The following LCLAT1 variants were observed in gnomAD, a reference collection of about 807,000 sequenced individuals.
The protein encoded by LCLAT1 is lysocardiolipin acyltransferase 1.
LCLAT1 carries 11 observed loss-of-function variants against 30.7 expected under a neutral mutation model. The observed-to-expected ratio is 0.36, with a 90% confidence interval of 0.23 to 0.59. The LOEUF is 0.59. LCLAT1 is among the 20% of genes least tolerant of loss of function. LCLAT1 has a pLI of 0.77. For synonymous variants in LCLAT1, 155 were observed against 151.3 expected (o/e 1.02, Z -0.18); for missense variants, 402 against 458.6 (o/e 0.88, Z 1.13).
intron 5 of LCLAT1, among the ~76,000 whole-genome samples, chr2:30,589,439 G>A (rs1481260810): frequency 6.6e-6 from 1 of 151,870 alleles, no homozygotes; most frequent in Non-Finnish European, 1.5e-5. Flanking sequence ...AATCAGGAGA[G>A]TGACTGAAGG....
At chr2:30,596,584 C>T (rs1212296662) in intron 5 of LCLAT1, among the ~76,000 whole-genome samples, 2 of 151,082 alleles carry the variant, frequency 1.3e-5, no homozygotes, top group Non-Finnish European at 2.9e-5. Flanking sequence ...TTCTCCCTTT[C>T]TGTAGAATGT....
chr2:30,530,895 T>C (rs1685948645), intron 2 of LCLAT1, among the ~76,000 whole-genome samples: 3 of 152,168 alleles, frequency 2.0e-5, no homozygotes, highest in South Asian at 4.1e-4. Flanking sequence ...AAGGATTGTT[T>C]GGGATCTATA....
chr2:30,629,472 A>C (rs1031861341), intron 5 of LCLAT1, among the ~76,000 whole-genome samples: 1 of 152,198 alleles, frequency 6.6e-6, no homozygotes, highest in Non-Finnish European at 1.5e-5. Flanking sequence ...AGGCAGGAGA[A>C]TCGCTTGAAC....
intron 5 of LCLAT1, among the ~76,000 whole-genome samples, chr2:30,620,429 A>G (rs576633743): frequency 3.3e-5 from 5 of 152,328 alleles, no homozygotes; most frequent in African/African-American, 4.8e-5. Context: ...CTCTTCCTCA[A>G]CTAAGGAACA....
At chr2:30,532,996 TC>T in intron 2 of LCLAT1, 119 bp from the exon 3 acceptor site, 1 of 708,844 alleles carries the variant, frequency 1.4e-6, no homozygotes, top group South Asian at 1.8e-5. Context: ...GAAGCAAGGA[TC>T]ATGGGAAATA....
At chr2:30,490,199 A>ATTT (rs772695376) in intron 1 of LCLAT1, among the ~76,000 whole-genome samples, 27 of 121,434 alleles carry the variant, frequency 2.2e-4, no homozygotes, top group Admixed American at 3.5e-4. Flanking sequence ...GGCTACTCTG[A>ATTT]TTTTTTTTTT....
intron 1 of LCLAT1, among the ~76,000 whole-genome samples, chr2:30,524,994 T>A (rs538935278): frequency 1.3e-5 from 2 of 152,054 alleles, no homozygotes; most frequent in South Asian, 4.2e-4. Flanking sequence ...ATTTTATGAG[T>A]TTGTGTTAGA....
intron 3 of LCLAT1, among the ~76,000 whole-genome samples, chr2:30,551,558 T>C (rs116389420): frequency 1.3e-5 from 2 of 152,174 alleles, no homozygotes; most frequent in Non-Finnish European, 2.9e-5. Context: ...ACTACAAATA[T>C]AGAGTGGTTT....
chr2:30,537,542 ACACGCACG>A (rs1038109731), intron 3 of LCLAT1, among the ~76,000 whole-genome samples: 1 of 151,800 alleles, frequency 6.6e-6, no homozygotes, highest in African/African-American at 2.4e-5. Context: ...ACACACACAC[ACACGCACG>A]CACACCAAAC....
At chr2:30,626,913 ATTAT>A (rs1454210842) in intron 5 of LCLAT1, among the ~76,000 whole-genome samples, 2 of 152,024 alleles carry the variant, frequency 1.3e-5, no homozygotes, top group African/African-American at 4.8e-5. Flanking sequence ...GGAATATTTT[ATTAT>A]TTATTTTTAT....
In LCLAT1 at chr2:30,641,459, C is replaced by T. The variant is rs1219374956; in HGVS notation, c.*840C>T. 1 of 152,170 alleles carries T rather than the reference C, an allele frequency of 6.6e-6. No individual in the cohort carries two copies. The highest frequency in any genetic ancestry group is 1.5e-5 in the Non-Finnish European group (1 of 68,028). The allele number at this position is 152,170 out of a possible 1,614,324, so 9.4% of individuals were successfully genotyped here. A position where few individuals can be genotyped will look rare whatever the true frequency, so the allele number is the denominator to read the frequency against. The stretch of plus-strand genomic sequence containing the variant: ...TCACATACTTTTTTAAAGGAACACT[C>T]AGAACATTCTGTCATTCCAGTCAGA... On this transcript the variant is annotated 3_prime_UTR_variant, in exon 6 of 6. Coordinates refer to ENST00000379509, the MANE Select transcript of LCLAT1 (RefSeq NM_001002257.3).
chr2:30,611,938 G>A (rs1667758769), intron 5 of LCLAT1, among the ~76,000 whole-genome samples: 1 of 152,026 alleles, frequency 6.6e-6, no homozygotes, highest in South Asian at 2.1e-4. Context: ...TGCACTGATG[G>A]AAATGCCAGC....
intron 3 of LCLAT1, among the ~76,000 whole-genome samples, chr2:30,540,696 C>T (rs1242455410): frequency 6.6e-6 from 1 of 150,960 alleles, no homozygotes; most frequent in Non-Finnish European, 1.5e-5. Context: ...CAAAGTCTCC[C>T]TCTTGTCCCC....
chr2:30,570,408 G>A (rs1475921796), intron 5 of LCLAT1, among the ~76,000 whole-genome samples: 1 of 152,168 alleles, frequency 6.6e-6, no homozygotes, highest in Non-Finnish European at 1.5e-5. Flanking sequence ...TAGTATAGCA[G>A]CTAACGTTAA....
At chr2:30,517,220 C>G (rs375186224) in intron 1 of LCLAT1, among the ~76,000 whole-genome samples, 10 of 152,322 alleles carry the variant, frequency 6.6e-5, no homozygotes, top group African/African-American at 2.2e-4. Context: ...ACTCCCTCTC[C>G]CAGGTATTAG....
chr2:30,611,122 T>C (rs1180468732), intron 5 of LCLAT1, among the ~76,000 whole-genome samples: 1 of 151,792 alleles, frequency 6.6e-6, no homozygotes, highest in African/African-American at 2.4e-5. Flanking sequence ...ACAGACTCAT[T>C]AGCATTTTTC....
intron 1 of LCLAT1, among the ~76,000 whole-genome samples, chr2:30,451,094 G>A (rs761202262): frequency 6.6e-6 from 1 of 152,178 alleles, no homozygotes; most frequent in Non-Finnish European, 1.5e-5. Context: ...GTCTCAGAAT[G>A]GCCAGTATGC....
At chr2:30,603,311 A>G (rs929538400) in intron 5 of LCLAT1, among the ~76,000 whole-genome samples, 2 of 152,174 alleles carry the variant, frequency 1.3e-5, no homozygotes, top group Admixed American at 6.6e-5. Context: ...TAGAGATACA[A>G]TACAGTGAAC....
chr2:30,591,000 T>C (rs1666670720), intron 5 of LCLAT1, among the ~76,000 whole-genome samples: 1 of 152,162 alleles, frequency 6.6e-6, no homozygotes, highest in Non-Finnish European at 1.5e-5. Flanking sequence ...AGCTGATATA[T>C]GTATTGTGAC....
Sources: allele counts gnomAD v4.1 joint callset (sites outside exome capture counted in the v4.1 genomes callset), GRCh38; gene constraint gnomAD v4.1.1; transcripts MANE v1.5; gene names NCBI Gene and HGNC (gene_info 2026-07-23, HGNC 2026-07-21).